Variants in SGCZ observed in about 807,000 individuals in gnomAD.
SGCZ encodes the protein sarcoglycan zeta, also known as zeta-sarcoglycan.
Under a neutral mutation model 41.3 loss-of-function variants are expected in SGCZ, and 40 were observed. That is an observed-to-expected ratio of 0.97 (90% CI 0.75 to 1.26). The LOEUF (loss-of-function observed/expected upper bound fraction) is 1.26, where lower values mean the gene tolerates loss of function less well. Among genes scored for constraint, SGCZ ranks in the 50% most tolerant of loss-of-function variants. The pLI, the probability that SGCZ is intolerant of heterozygous loss-of-function variation, is 0.00. For missense variants in SGCZ, 552 were observed against 369.8 expected, an observed-to-expected ratio of 1.49 and a Z score of -4.04; for synonymous variants, 206 against 137.5, an observed-to-expected ratio of 1.50 and a Z score of -3.49.
chr8:15,037,724 A>T (rs1383983150), intron 1 of SGCZ, among the ~76,000 whole-genome samples: 1 of 152,184 alleles, frequency 6.6e-6, no homozygotes, highest in Non-Finnish European at 1.5e-5. Context: ...TGCATGCAGA[A>T]AATGCTAAAG....
chr8:14,142,539 C>T (rs1803403344), intron 5 of SGCZ, among the ~76,000 whole-genome samples: 1 of 152,112 alleles, frequency 6.6e-6, no homozygotes, highest in Non-Finnish European at 1.5e-5. Flanking sequence ...TCGTTTTCTG[C>T]TCAGTTTGAA....
chr8:14,375,111 TAGA>T (rs1249107331), intron 2 of SGCZ, among the ~76,000 whole-genome samples: 1 of 150,152 alleles, frequency 6.7e-6, no homozygotes, highest in Non-Finnish European at 1.5e-5. Context: ...GATAGATAGA[TAGA>T]CAGACAGACA....
intron 1 of SGCZ, among the ~76,000 whole-genome samples, chr8:14,591,263 G>A (rs1266647754): frequency 1.4e-4 from 21 of 151,634 alleles, no homozygotes. Flanking sequence ...TGATTCCTCT[G>A]GAAATTGCAA....
intron 1 of SGCZ, among the ~76,000 whole-genome samples, chr8:14,626,836 A>G (rs1585135871): frequency 6.6e-6 from 1 of 152,184 alleles, no homozygotes; most frequent in Non-Finnish European, 1.5e-5. Context: ...GAGACCATCA[A>G]TTCTATTGCT....
intron 1 of SGCZ, among the ~76,000 whole-genome samples, chr8:14,571,600 T>G (rs1804557992): frequency 6.6e-6 from 1 of 152,198 alleles, no homozygotes; most frequent in African/African-American, 2.4e-5. Flanking sequence ...ACAAAATTAA[T>G]TATTTGTAAA....
chr8:14,479,727 A>ATTTTTTT (rs1244101937), intron 2 of SGCZ, among the ~76,000 whole-genome samples: 1 of 109,390 alleles, frequency 9.1e-6, no homozygotes, highest in Non-Finnish European at 1.8e-5. Flanking sequence ...CCAGAATTCT[A>ATTTTTTT]CTTCTTTTTT....
intron 4 of SGCZ, among the ~76,000 whole-genome samples, chr8:14,201,851 T>G (rs1233120045): frequency 6.8e-6 from 1 of 146,356 alleles, no homozygotes; most frequent in Non-Finnish European, 1.6e-5. Flanking sequence ...ACTAGTGAGA[T>G]CTTTAAAAAA....
intron 3 of SGCZ, 107 bp from the exon 4 acceptor site, chr8:14,237,786 C>T: frequency 3.0e-6 from 3 of 1,004,484 alleles, no homozygotes; most frequent in Non-Finnish European, 4.5e-6. Flanking sequence ...AATTTGTTTG[C>T]TCTATATTAG....
chr8:15,125,922 G>T (rs1201110127), intron 1 of SGCZ, among the ~76,000 whole-genome samples: 1 of 152,172 alleles, frequency 6.6e-6, no homozygotes, highest in African/African-American at 2.4e-5. Flanking sequence ...AAGGCAAGTG[G>T]ATCACCTGAG....
chr8:14,322,727 G>C (rs1801967859), intron 3 of SGCZ, among the ~76,000 whole-genome samples: 1 of 152,080 alleles, frequency 6.6e-6, no homozygotes. Flanking sequence ...CCTATGCTTA[G>C]TTTCACTTGC....
intron 1 of SGCZ, among the ~76,000 whole-genome samples, chr8:14,647,842 G>T (rs1807272654): frequency 6.6e-6 from 1 of 152,068 alleles, no homozygotes; most frequent in Non-Finnish European, 1.5e-5. Context: ...GTTCTCATCT[G>T]TAAGTTGAAG....
At chr8:14,195,728 G>A (rs1805246438) in intron 4 of SGCZ, among the ~76,000 whole-genome samples, 1 of 152,110 alleles carries the variant, frequency 6.6e-6, no homozygotes, top group South Asian at 2.1e-4. Flanking sequence ...AAAAATGCAA[G>A]TGATGACATA....
At chr8:15,070,557 G>C (rs548000910) in intron 1 of SGCZ, among the ~76,000 whole-genome samples, 1 of 152,248 alleles carries the variant, frequency 6.6e-6, no homozygotes, top group African/African-American at 2.4e-5. Context: ...AGAATGTAAC[G>C]AGTAAGAATT....
intron 1 of SGCZ, among the ~76,000 whole-genome samples, chr8:14,842,770 T>C (rs1233700673): frequency 6.6e-6 from 1 of 152,202 alleles, no homozygotes; most frequent in Non-Finnish European, 1.5e-5. Context: ...CACTGGATTT[T>C]AAAATGCACA....
chr8:14,898,209 C>T (rs1805275346), intron 1 of SGCZ, among the ~76,000 whole-genome samples: 1 of 152,064 alleles, frequency 6.6e-6, no homozygotes, highest in Admixed American at 6.6e-5. Context: ...CTCAACCTCC[C>T]AAAGCATAGG....
intron 7 of SGCZ, among the ~76,000 whole-genome samples, chr8:14,093,925 C>T (rs984535712): frequency 1.3e-5 from 2 of 151,968 alleles, no homozygotes; most frequent in African/African-American, 4.8e-5. Context: ...CTTCTACTTA[C>T]AATAAGATCC....
At chr8:14,681,998 A>G (rs1220256808) in intron 1 of SGCZ, among the ~76,000 whole-genome samples, 1 of 152,140 alleles carries the variant, frequency 6.6e-6, no homozygotes, top group Non-Finnish European at 1.5e-5. Flanking sequence ...GTAACAGAGA[A>G]CGAATTTGAA....
At chr8:14,431,995 C>A (rs1366123527) in intron 2 of SGCZ, among the ~76,000 whole-genome samples, 1 of 150,722 alleles carries the variant, frequency 6.6e-6, no homozygotes, top group African/African-American at 2.4e-5. Context: ...CTTACTCTTG[C>A]AAGAATGGCT....
intron 1 of SGCZ, among the ~76,000 whole-genome samples, chr8:15,208,542 A>G (rs1224035434): frequency 6.6e-6 from 1 of 152,188 alleles, no homozygotes; most frequent in African/African-American, 2.4e-5. Context: ...AAAGTAACTT[A>G]CAAAAGCCAA....
Sources: allele counts gnomAD v4.1 joint callset (sites outside exome capture counted in the v4.1 genomes callset), GRCh38; gene constraint gnomAD v4.1.1; transcripts MANE v1.5; gene names NCBI Gene and HGNC (gene_info 2026-07-23, HGNC 2026-07-21).